The following JSRP1 variants were observed in gnomAD, a reference collection of about 807,000 sequenced individuals.
JSRP1 encodes 2310032K21Rik.
A neutral mutation model predicts 21.4 loss-of-function variants in JSRP1; 29 were observed. The observed-to-expected ratio is 1.36, with a 90% CI of 1.01 to 1.85. The LOEUF is 1.85. JSRP1 is among the 40% of genes most tolerant of loss of function. The pLI is 0.00. For synonymous variants in JSRP1, 221 were observed against 206.1 expected (o/e 1.07, Z -0.62); for missense variants, 531 against 461.5 (o/e 1.15, Z -1.38).
rs1472085736 is a variant in JSRP1 at position 2,253,777 on chromosome 19, G to C, written c.279C>G (p.Pro93=). The change falls in exon 5 of 7, where the codon CCC becomes CCG. Residue 93 remains proline (P), a synonymous_variant. Coordinates refer to ENST00000300961, the MANE Select transcript of JSRP1 (RefSeq NM_144616.4). The part of the protein sequence containing the change: ...LKAGASPRSV[P]ARKKAQTAPP... ...GCGCGGTCTGCGCCTTCTTGCGCGC[G>C]GGGACGCTCCGAGGGCCTGCGGGGG... is the stretch of plus-strand genomic sequence containing the variant. 9 of 1,420,968 alleles carry C rather than the reference G, an allele frequency of 6.3e-6. No individual in the cohort carries two copies. Among genetic ancestry groups the C allele is most frequent in the Non-Finnish European group, 8.2e-6 (9 of 1,099,866 alleles). 88.0% of individuals were successfully genotyped at this position (1,420,968 alleles called of 1,614,324 possible).
In JSRP1 at chr19:2,253,813, C is replaced by A; in HGVS notation, c.263-20G>T. On this transcript the variant is annotated intron_variant, in intron 4 of 6. Transcript: ENST00000300961. ...GAGGGCCTGCGGGGGCAAGTGCGCGCTGCGCTGTGGTCACTGGCTCTGTGC... is the reference window on the plus strand; with the variant it reads ...GAGGGCCTGCGGGGGCAAGTGCGCGATGCGCTGTGGTCACTGGCTCTGTGC... 2.2e-6 allele frequency: 3 copies of A among 1,377,166 alleles called. No individual in the cohort carries two copies. The highest frequency in any genetic ancestry group is 2.8e-6 in the Non-Finnish European group (3 of 1,076,436). The allele number at this position is 1,377,166 out of a possible 1,614,324, so 85.3% of individuals were successfully genotyped here. A position where few individuals can be genotyped will look rare whatever the true frequency, so the allele number is the denominator to read the frequency against.
Position 2,252,333 on chromosome 19 carries a change from T to C in JSRP1, c.992A>G (p.Asp331Gly), listed in dbSNP as rs1002235757. Residue 331 changes from aspartate to glycine, a missense_variant, in exon 7 of 7, where the codon GAC becomes GGC. Transcript: ENST00000300961. Reference sequence around the variant, plus strand: ...GGACTCCGGCGCGGGGCCGGCTCAGTCCCGCCCCTTGCCTGCGCGGAGCTT... The same window carrying C: ...GGACTCCGGCGCGGGGCCGGCTCAGCCCCGCCCCTTGCCTGCGCGGAGCTT... ...RQKLRAGKGRD is the reference protein window; with the variant it reads ...RQKLRAGKGRG 1.5e-5 allele frequency: 23 copies of C among 1,498,402 alleles called. No homozygotes were observed. In the African/African-American group the frequency reaches 3.2e-4, roughly 21 times the overall value. 92.8% of individuals were successfully genotyped at this position (1,498,402 alleles called of 1,614,324 possible).
In JSRP1 at chr19:2,252,310, A is replaced by G. The variant is rs1316124536; in HGVS notation, c.*19T>C. On this transcript the variant is annotated 3_prime_UTR_variant, in exon 7 of 7. Transcript: ENST00000300961. ...CGGGGCGTCCAGAAGGGGCCCCTGG[A>G]CTCCGGCGCGGGGCCGGCTCAGTCC... is the stretch of plus-strand genomic sequence containing the variant. The G allele has an allele frequency of 1.4e-6, 2 of 1,445,940 alleles. No homozygotes were observed. The highest frequency in any genetic ancestry group is 2.8e-5 in the Admixed American group (1 of 35,594). 89.6% of individuals were successfully genotyped at this position (1,445,940 alleles called of 1,614,324 possible).
intron 4 of JSRP1, 140 bp from the exon 5 acceptor site, chr19:2,253,933 C>A (rs1047206229): frequency 1.9e-6 from 2 of 1,053,794 alleles, no homozygotes; most frequent in Non-Finnish European, 2.6e-6. Flanking sequence ...GCAGGTGAAC[C>A]CAGCCCCGGG....
rs1427584923 is a variant in JSRP1 at position 2,252,519 on chromosome 19, GC to G, written c.805del (p.Ala269ProfsTer84). On this transcript the variant is annotated frameshift_variant, in exon 7 of 7. Transcript: ENST00000300961. LOFTEE classifies it low-confidence loss of function (END_TRUNC). Reference sequence around the variant, plus strand: ...TAGGGCTTCCCGGGGCTCCCTGGCGGCCCGTGGCCTCTCCTCTTTCCGCGGC... The same window carrying G: ...TAGGGCTTCCCGGGGCTCCCTGGCGGCCGTGGCCTCTCCTCTTTCCGCGGC... Reference protein sequence around the residue: ...ERPRKEERPRAAREPREALPQ... With the variant: ...ERPRKEERPRXAREPREALPQ... The G allele has an allele frequency of 1.9e-5, 31 of 1,612,556 alleles. No individual in the cohort carries two copies. Among genetic ancestry groups the G allele is most frequent in the Non-Finnish European group, 2.6e-5 (31 of 1,179,908 alleles).
rs373506880 is a variant in JSRP1, at chr19:2,252,603, C to G, written c.722G>C (p.Arg241Thr). Residue 241 changes from arginine (R) to threonine (T), a missense_variant, in exon 7 of 7, where the codon AGA becomes ACA. Transcript: ENST00000300961. The part of the protein sequence containing the change: ...ADRGPKERPR[R>T]EGKPRKEKPR... ...CTTCTCCTTCCGCGGCTTCCCCTCT[C>G]TCCGAGGCCTCTCCTTGGGTCCCCG... is the stretch of plus-strand genomic sequence containing the variant. 9.3e-6 allele frequency: 15 copies of G among 1,612,722 alleles called. No homozygotes were observed. Among genetic ancestry groups the G allele is most frequent in the East Asian group, 2.2e-5 (1 of 44,868 alleles).
In JSRP1 at chr19:2,252,286, G is replaced by C. The variant is rs1392130315; in HGVS notation, c.*43C>G. 4 of 1,403,328 alleles carry C rather than the reference G, an allele frequency of 2.9e-6. No individual in the cohort carries two copies. Among genetic ancestry groups the C allele is most frequent in the Admixed American group, 2.9e-5 (1 of 34,980 alleles). 86.9% of individuals were successfully genotyped at this position (1,403,328 alleles called of 1,614,324 possible). On this transcript the variant is annotated 3_prime_UTR_variant, in exon 7 of 7. Coordinates refer to ENST00000300961, the MANE Select transcript of JSRP1 (RefSeq NM_144616.4). Reference sequence around the variant, plus strand: ...ACTCGCTTTATTTCGCCAGAGTCGCGGGGCGTCCAGAAGGGGCCCCTGGAC... The same window carrying C: ...ACTCGCTTTATTTCGCCAGAGTCGCCGGGCGTCCAGAAGGGGCCCCTGGAC...
chr19:2,254,145 C>G lies in JSRP1; in HGVS notation c.262+42G>C, dbSNP rs765055931. Reference sequence around the variant, plus strand: ...CCGGCACCTGAGCCTCACACCAGTCCGTTCCCACCCCACACCTCACCCATG... The same window carrying G: ...CCGGCACCTGAGCCTCACACCAGTCGGTTCCCACCCCACACCTCACCCATG... On this transcript the variant is annotated intron_variant, in intron 4 of 6. Coordinates refer to ENST00000300961, the MANE Select transcript of JSRP1 (RefSeq NM_144616.4). 5 of 1,452,896 alleles carry G rather than the reference C, an allele frequency of 3.4e-6. No homozygotes were observed. In the South Asian group the frequency reaches 5.1e-5, roughly 15 times the overall value. The allele number at this position is 1,452,896 out of a possible 1,614,324, so 90.0% of individuals were successfully genotyped here.
intron 1 of JSRP1, 106 bp from the exon 2 acceptor site, chr19:2,255,450 A>C: frequency 3.6e-6 from 2 of 549,878 alleles, no homozygotes; most frequent in Non-Finnish European, 6.5e-6. Context: ...CCGTCCTCCC[A>C]CCCCTCCTCA....
chr19:2,253,086 C>T lies in JSRP1; in HGVS notation c.437-83G>A, dbSNP rs1292859286. On this transcript the variant is annotated intron_variant, in intron 5 of 6. Transcript: ENST00000300961. ...CATCCCTCCCTCACCCCTAGAGCCCCCCTCCCTGGACAGTTGGAGTGGGGC... is the reference window on the plus strand; with the variant it reads ...CATCCCTCCCTCACCCCTAGAGCCCTCCTCCCTGGACAGTTGGAGTGGGGC... 5 of 992,074 alleles carry T rather than the reference C, an allele frequency of 5.0e-6. No individual in the cohort carries two copies. In the African/African-American group the frequency reaches 8.0e-5, roughly 16 times the overall value. The allele number at this position is 992,074 out of a possible 1,614,324, so 61.5% of individuals were successfully genotyped here.
At chr19:2,255,571 T>C (rs2025135558) in intron 1 of JSRP1, among the ~76,000 whole-genome samples, 1 of 152,064 alleles carries the variant, frequency 6.6e-6, no homozygotes, top group Non-Finnish European at 1.5e-5. Context: ...CTCACTGGGG[T>C]CCAGTATCCA....
intron 3 of JSRP1, 33 bp downstream of exon 3, chr19:2,254,412 C>T: frequency 1.2e-6 from 2 of 1,612,554 alleles, no homozygotes; most frequent in Non-Finnish European, 1.7e-6. Context: ...CCCAGGCGTC[C>T]TGGGTTAAAG....
intron 5 of JSRP1, 55 bp from the exon 6 acceptor site, chr19:2,253,058 G>C: frequency 8.0e-7 from 1 of 1,253,182 alleles, no homozygotes; most frequent in Non-Finnish European, 1.1e-6. Context: ...GGTCCACACT[G>C]TCCATCCCTC....
rs567816763 is a variant in JSRP1 at position 2,255,659 on chromosome 19, C to T, written c.-30-315G>A. Among the ~76,000 whole-genome samples, 137 of 152,342 alleles carry T rather than the reference C, an allele frequency of 9.0e-4. 1 individual carries two copies. Among genetic ancestry groups the T allele is most frequent in the African/African-American group, 2.9e-3 (121 of 41,578 alleles). On this transcript the variant is annotated intron_variant, in intron 1 of 6. Transcript: ENST00000300961. ...GGACAACACAGCAATGAGTCCCAGA[C>T]GCACCCCAAACCGAAACTCTTGGCC...
rs1346425684 is a variant in JSRP1 at position 2,252,990 on chromosome 19, C to A, written c.450G>T (p.Gly150=). 1.2e-6 allele frequency: 2 copies of A among 1,604,148 alleles called. No homozygotes were observed. Among genetic ancestry groups the A allele is most frequent in the East Asian group, 2.2e-5 (1 of 44,498 alleles). ...GCACACGTGCTTGGAGTGCTGCCTC[C>A]CCAGGGACGGCGTCTGCAGCGACAG... ...AFQLCRDAVP[G]EAALQARVPE... The change falls in exon 6 of 7, where the codon GGG becomes GGT. Residue 150 remains glycine, a synonymous_variant. Transcript: ENST00000300961.
At chr19:2,255,631 G>T (rs2025136156) in intron 1 of JSRP1, among the ~76,000 whole-genome samples, 1 of 152,248 alleles carries the variant, frequency 6.6e-6, no homozygotes, top group South Asian at 2.1e-4. Flanking sequence ...GGGAGCCCCT[G>T]CAGGACAACA....
At chr19:2,253,365 C>T (rs546211949) in intron 5 of JSRP1, among the ~76,000 whole-genome samples, 26 of 152,312 alleles carry the variant, frequency 1.7e-4, no homozygotes, top group African/African-American at 6.0e-4. Flanking sequence ...AGGGGTTGCA[C>T]AAGGTTCATC....
chr19:2,253,024 C>T lies in JSRP1; in HGVS notation c.437-21G>A, dbSNP rs372017018. ...GGCGTCTGCAGCGACAGGGTCGGGA[C>T]CCGAGTCAGCTGGGCCGAGGCACGG... is the stretch of plus-strand genomic sequence containing the variant. On this transcript the variant is annotated intron_variant, in intron 5 of 6. Transcript: ENST00000300961. The T allele has an allele frequency of 9.0e-6, 14 of 1,561,730 alleles. No homozygotes were observed. The African/African-American group carries it at 1.3e-4, about 15-fold the overall frequency.
Position 2,252,691 on chromosome 19 carries a change from C to T in JSRP1, c.634G>A (p.Glu212Lys), listed in dbSNP as rs768627240. 6.2e-7 allele frequency: 1 copy of T among 1,612,276 alleles called. No homozygotes were observed. The highest frequency in any genetic ancestry group is 8.5e-7 in the Non-Finnish European group (1 of 1,179,944). The change falls in exon 7 of 7, where the codon GAA (glutamate) becomes AAA (lysine). Residue 212 changes from glutamate (E) to lysine (K), a missense_variant. Coordinates refer to ENST00000300961, the MANE Select transcript of JSRP1 (RefSeq NM_144616.4). ...PGSREAAEND[E>K]EEPGEATGEA... The stretch of plus-strand genomic sequence containing the variant: ...CCGGTGGCCTCGCCGGGCTCCTCTT[C>T]GTCGTTCTCTGCAGCCTCCCGACTC...
Sources: gnomAD v4.1 joint callset for allele counts (sites outside exome capture counted in the v4.1 genomes callset) on GRCh38, gnomAD v4.1.1 for gene constraint, MANE v1.5 for transcripts, NCBI Gene and HGNC (gene_info 2026-07-23, HGNC 2026-07-21) for gene names.